Variants in CIT observed in about 807,000 individuals in gnomAD.
CIT encodes citron Rho-interacting kinase.
CIT carries 79 observed loss-of-function variants against 272.7 expected under a neutral mutation model. That is an observed-to-expected ratio of 0.29 (90% CI 0.24 to 0.35). The LOEUF is 0.35. Among genes scored for constraint, CIT ranks in the 10% least tolerant of loss-of-function variants. CIT has a pLI of 1.00. For synonymous variants in CIT, 948 were observed against 995.6 expected (o/e 0.95, Z 0.90); for missense variants, 1,909 against 2,618.3 (o/e 0.73, Z 5.91).
At chr12:119,735,644 C>T (rs991080815) in intron 24 of CIT, among the ~76,000 whole-genome samples, 1 of 152,020 alleles carries the variant, frequency 6.6e-6, no homozygotes. Flanking sequence ...CGGATGACTT[C>T]GAATGAGATC....
intron 26 of CIT, among the ~76,000 whole-genome samples, chr12:119,730,955 C>A (rs990856860): frequency 1.1e-4 from 16 of 151,664 alleles, no homozygotes; most frequent in Non-Finnish European, 1.9e-4. Context: ...TGGTGAAATC[C>A]CATCTTTACT....
At chr12:119,689,422 G>A (rs1031435412) in intron 47 of CIT, among the ~76,000 whole-genome samples, 28 of 151,744 alleles carry the variant, frequency 1.8e-4, no homozygotes, top group Admixed American at 6.6e-4. Flanking sequence ...ATGTGTGTAT[G>A]TGTGTGAATC....
At chr12:119,762,050 G>A (rs565444667) in intron 19 of CIT, among the ~76,000 whole-genome samples, 3 of 152,276 alleles carry the variant, frequency 2.0e-5, no homozygotes, top group East Asian at 3.9e-4. Flanking sequence ...CAGGATCCTG[G>A]GAATAAAGCT....
In CIT at chr12:119,718,043, T is replaced by C. The variant is rs903046019; in HGVS notation, c.4168+202A>G. Among the ~76,000 whole-genome samples the C allele has an allele frequency of 1.2e-4, 18 of 151,748 alleles. No homozygotes were observed. The highest frequency in any genetic ancestry group is 2.1e-4 in the Non-Finnish European group (14 of 67,932). On this transcript the variant is annotated intron_variant, in intron 32 of 47. Coordinates refer to ENST00000392521, the MANE Select transcript of CIT (RefSeq NM_001206999.2). This position sits in a 1 kb window ranked among gnomAD's most constrained non-coding sequence, Gnocchi z 4.8. ...TTAGTAGAGACGGGGTTTCTCCATGTTGGTCAGGCTGGTCTTGAGCTCCCA... is the reference window on the plus strand; with the variant it reads ...TTAGTAGAGACGGGGTTTCTCCATGCTGGTCAGGCTGGTCTTGAGCTCCCA...
intron 7 of CIT, 37 bp from the exon 8 acceptor site, chr12:119,825,405 T>A: frequency 6.3e-7 from 1 of 1,579,362 alleles, no homozygotes; most frequent in East Asian, 2.2e-5. Context: ...CAGCAAACTT[T>A]CAATTATCCT....
intron 3 of CIT, among the ~76,000 whole-genome samples, chr12:119,866,328 A>C (rs1300438922): frequency 1.3e-5 from 2 of 152,096 alleles, no homozygotes; most frequent in African/African-American, 4.8e-5. Context: ...AGTCAAAGAG[A>C]TCCTATGTCC....
chr12:119,715,794 A>T (rs1033665856), intron 32 of CIT, among the ~76,000 whole-genome samples: 2 of 152,226 alleles, frequency 1.3e-5, no homozygotes, highest in Non-Finnish European at 2.9e-5. Context: ...ATAAGACTCA[A>T]CTTAAAATCT....
Position 119,760,951 on chromosome 12 carries a change from G to T in CIT, c.2409C>A (p.Ser803Arg). 6.2e-7 allele frequency: 1 copy of T among 1,611,850 alleles called. No individual in the cohort carries two copies. ...EEAHEKGKIL[S>R]EQKAMINAMD... The stretch of plus-strand genomic sequence containing the variant: ...TCCTTCTACCTACCGCCTTCTGTTC[G>T]CTGAGAATTTTGCCCTTCTCATGGG... The change falls in exon 20 of 48, where the codon AGC becomes AGA. Residue 803 changes from serine (S) to arginine (R), a missense_variant. Ser to Arg is a moderately radical substitution (Grantham distance 110). Transcript: ENST00000392521.
chr12:119,875,916 A>T (rs1413840478), intron 2 of CIT, among the ~76,000 whole-genome samples, 157 bp downstream of exon 2: 1 of 152,160 alleles, frequency 6.6e-6, no homozygotes, highest in Non-Finnish European at 1.5e-5. Context: ...TGAACCCAGG[A>T]GGCGGAGGTT....
chr12:119,858,256 C>T (rs141025586), intron 3 of CIT, among the ~76,000 whole-genome samples: 2 of 152,298 alleles, frequency 1.3e-5, no homozygotes, highest in East Asian at 3.9e-4. Context: ...GTGGCTGACG[C>T]CTGTAATCCC....
At chr12:119,803,777 C>G (rs879032292) in intron 9 of CIT, among the ~76,000 whole-genome samples, 2 of 152,154 alleles carry the variant, frequency 1.3e-5, no homozygotes, top group Admixed American at 1.3e-4. Context: ...AGACCTAAAC[C>G]TATGGATTCC....
Position 119,733,219 on chromosome 12 carries a change from T to C in CIT, c.3350+945A>G, listed in dbSNP as rs190498303. ...GCCTGAACTGATTATTATCATTTCC[T>C]ACTAAGAAAGGAGAAAAAAAAAAAA... On this transcript the variant is annotated intron_variant, in intron 26 of 47. Transcript: ENST00000392521. 1.0e-3 allele frequency among the ~76,000 whole-genome samples: 157 copies of C among 150,820 alleles called. 1 individual carries two copies. The highest frequency in any genetic ancestry group is 3.2e-4 in the Non-Finnish European group (22 of 67,718).
chr12:119,811,048 G>C (rs1474471239), intron 9 of CIT, among the ~76,000 whole-genome samples: 1 of 152,130 alleles, frequency 6.6e-6, no homozygotes, highest in East Asian at 1.9e-4. Flanking sequence ...TTCAAGACCG[G>C]GCCTGGTGGC....
chr12:119,703,796 G>T (rs7302460), intron 41 of CIT, among the ~76,000 whole-genome samples: 16,411 of 152,164 alleles, frequency 0.11, 2,456 homozygotes, highest in African/African-American at 0.34. Flanking sequence ...GGGACACTCC[G>T]AGGTAGGGAC....
intron 10 of CIT, among the ~76,000 whole-genome samples, chr12:119,785,456 G>A (rs929686417): frequency 6.6e-6 from 1 of 152,178 alleles, no homozygotes; most frequent in Non-Finnish European, 1.5e-5. Context: ...AGGAATGCAG[G>A]CAACCTCTAG....
At chr12:119,696,957 G>C (rs902842523) in intron 46 of CIT, among the ~76,000 whole-genome samples, 1 of 152,168 alleles carries the variant, frequency 6.6e-6, no homozygotes, top group African/African-American at 2.4e-5. Context: ...TTCCTTCCCA[G>C]GGCTGTACTT....
chr12:119,748,903 T>C (rs1122119), intron 23 of CIT, among the ~76,000 whole-genome samples: 77,668 of 152,124 alleles, frequency 0.51, 20,124 homozygotes, highest in Admixed American at 0.59. Context: ...ACATCACACA[T>C]CGTGTGCTAT....
rs567672133 is a variant in CIT, at chr12:119,713,136, C to T, written c.4579+67G>A. 333 of 1,199,248 alleles carry T rather than the reference C, an allele frequency of 2.8e-4. 1 individual carries two copies. Among genetic ancestry groups the T allele is most frequent in the Admixed American group, 1.1e-3 (54 of 47,204 alleles). 74.3% of individuals were successfully genotyped at this position (1,199,248 alleles called of 1,614,324 possible). A position where few individuals can be genotyped will look rare whatever the true frequency, so the allele number is the denominator to read the frequency against. On this transcript the variant is annotated intron_variant, in intron 35 of 47. Transcript: ENST00000392521. This position sits in a 1 kb window ranked among gnomAD's most constrained non-coding sequence, Gnocchi z 5.2. ...AAGGCAGTCCAAAAAACAAAGCCTT[C>T]GCGCCAGCACTGGGGAGACCTGGGT...
intron 37 of CIT, among the ~76,000 whole-genome samples, chr12:119,711,409 C>G (rs760178702): frequency 2.0e-5 from 3 of 152,138 alleles, no homozygotes; most frequent in Non-Finnish European, 2.9e-5. Flanking sequence ...AACCTGCCTA[C>G]GGAAGAGCAA....
Sources: allele counts gnomAD v4.1 joint callset (sites outside exome capture counted in the v4.1 genomes callset), GRCh38; gene constraint gnomAD v4.1.1; non-coding constraint Gnocchi (gnomAD v3.1); transcripts MANE v1.5; gene names NCBI Gene and HGNC (gene_info 2026-07-23, HGNC 2026-07-21).